THRB: variants seen among roughly 807,000 people sequenced by gnomAD.
THRB encodes the protein nuclear receptor subfamily 1 group A member 2.
A neutral mutation model predicts 47.8 loss-of-function variants in THRB; 12 were observed. The ratio of observed to expected loss-of-function variants is 0.25; its 90% CI spans 0.16 to 0.41. THRB has a LOEUF of 0.41. Among genes scored for constraint, THRB ranks in the 10% least tolerant of loss-of-function variants. THRB has a pLI of 1.00. For missense variants in THRB, 348 were observed against 589.2 expected, an observed-to-expected ratio of 0.59 and a Z score of 4.24; for synonymous variants, 218 against 212.2, an observed-to-expected ratio of 1.03 and a Z score of -0.24.
chr3:24,129,958 G>C (rs1559407301), intron 9 of THRB, among the ~76,000 whole-genome samples: 1 of 152,206 alleles, frequency 6.6e-6, no homozygotes, highest in African/African-American at 2.4e-5. Context: ...TAGCAGATGT[G>C]ATAAACTGCC....
intron 4 of THRB, among the ~76,000 whole-genome samples, chr3:24,206,146 C>G (rs1048962831): frequency 3.9e-4 from 60 of 152,246 alleles, no homozygotes; most frequent in African/African-American, 1.3e-3. Context: ...CTGCACCAAG[C>G]GGACCTAATA....
At chr3:24,488,920 A>T (rs1472727995) in intron 1 of THRB, among the ~76,000 whole-genome samples, 4 of 152,190 alleles carry the variant, frequency 2.6e-5, no homozygotes, top group African/African-American at 9.7e-5. Context: ...ATTGCTTCTT[A>T]GAATAATTTT....
chr3:24,430,503 GACA>G (rs1364329002), intron 1 of THRB, among the ~76,000 whole-genome samples: 9 of 151,968 alleles, frequency 5.9e-5, no homozygotes, highest in African/African-American at 2.2e-4. Context: ...TAAACGTAAA[GACA>G]ACATTTTTAA....
intron 2 of THRB, among the ~76,000 whole-genome samples, chr3:24,303,380 G>A (rs948389592): frequency 3.3e-5 from 5 of 152,116 alleles, no homozygotes; most frequent in South Asian, 2.1e-4. Context: ...CTTCTCGGCC[G>A]CTACCTGGGC....
chr3:24,482,253 G>C (rs1470394845), intron 1 of THRB, among the ~76,000 whole-genome samples: 5 of 152,114 alleles, frequency 3.3e-5, no homozygotes. Flanking sequence ...CACTCACCAG[G>C]TACTATGTCC....
Position 24,284,469 on chromosome 3 carries a change from A to G in THRB, c.-43+12757T>C, listed in dbSNP as rs568521185. 4.6e-5 allele frequency among the ~76,000 whole-genome samples: 7 copies of G among 151,950 alleles called. No individual in the cohort carries two copies. In the East Asian group the frequency reaches 9.6e-4, roughly 21 times the overall value. ...AGATTTAAACGTTAGACCTAAAACCATAAAAACCCTAGAAGAAAACCTAGG... is the reference window on the plus strand; with the variant it reads ...AGATTTAAACGTTAGACCTAAAACCGTAAAAACCCTAGAAGAAAACCTAGG... On this transcript the variant is annotated intron_variant, in intron 3 of 10. Coordinates refer to ENST00000646209, the MANE Select transcript of THRB (RefSeq NM_001354712.2).
chr3:24,276,131 G>C (rs532336323), intron 3 of THRB, among the ~76,000 whole-genome samples: 1 of 151,970 alleles, frequency 6.6e-6, no homozygotes, highest in South Asian at 2.1e-4. Flanking sequence ...TCAAGGACAA[G>C]TTTAAACATC....
intron 3 of THRB, among the ~76,000 whole-genome samples, chr3:24,242,004 G>C (rs1370943479): frequency 6.6e-6 from 1 of 152,058 alleles, no homozygotes; most frequent in African/African-American, 2.4e-5. Flanking sequence ...GTGCATAGTA[G>C]GAACTCAAAA....
At chr3:24,285,485 G>T (rs6787969) in intron 3 of THRB, among the ~76,000 whole-genome samples, 7,675 of 149,488 alleles carry the variant, frequency 0.051, 634 homozygotes, top group African/African-American at 0.18. Context: ...TAATGCTAGA[G>T]GACGAGTTAG....
At chr3:24,265,232 T>C (rs1259188106) in intron 3 of THRB, among the ~76,000 whole-genome samples, 1 of 152,160 alleles carries the variant, frequency 6.6e-6, no homozygotes, top group Non-Finnish European at 1.5e-5. Flanking sequence ...CATTAGATCA[T>C]GCAAGTAATG....
intron 1 of THRB, among the ~76,000 whole-genome samples, chr3:24,415,745 G>A (rs2068681978): frequency 6.6e-6 from 1 of 151,784 alleles, no homozygotes; most frequent in Non-Finnish European, 1.5e-5. Flanking sequence ...TGGAACAATG[G>A]TAGTAGAATT....
At chr3:24,299,640 A>C (rs912403374) in intron 2 of THRB, among the ~76,000 whole-genome samples, 13 of 140,766 alleles carry the variant, frequency 9.2e-5, no homozygotes, top group Non-Finnish European at 1.9e-4. Flanking sequence ...GGTCATAAAA[A>C]CTTTCTTTTT....
intron 1 of THRB, among the ~76,000 whole-genome samples, chr3:24,492,615 C>G (rs1264538687): frequency 6.6e-6 from 1 of 152,146 alleles, no homozygotes; most frequent in Non-Finnish European, 1.5e-5. Context: ...TGCAAAAACC[C>G]CAGGAGAGGA....
intron 5 of THRB, among the ~76,000 whole-genome samples, chr3:24,178,780 G>A (rs571275525): frequency 5.1e-4 from 78 of 152,212 alleles, no homozygotes; most frequent in African/African-American, 1.8e-3. Context: ...GGGGAGGGTA[G>A]GTAGAACAGA....
chr3:24,135,687 C>T (rs1447745672), intron 8 of THRB, among the ~76,000 whole-genome samples: 2 of 151,818 alleles, frequency 1.3e-5, no homozygotes, highest in Admixed American at 6.6e-5. Context: ...TTCAGATATC[C>T]CTGCTCTTCT....
intron 4 of THRB, among the ~76,000 whole-genome samples, chr3:24,227,223 C>G (rs965964559): frequency 1.3e-5 from 2 of 152,218 alleles, no homozygotes; most frequent in African/African-American, 4.8e-5. Flanking sequence ...GAAAGGAATA[C>G]TGTCCCTCCA....
intron 1 of THRB, among the ~76,000 whole-genome samples, chr3:24,404,835 T>A (rs1398215408): frequency 4.6e-5 from 7 of 151,854 alleles, no homozygotes; most frequent in Non-Finnish European, 1.0e-4. Context: ...AATCCAGGGC[T>A]AGACAGATCT....
intron 2 of THRB, among the ~76,000 whole-genome samples, chr3:24,319,613 G>A (rs963619856): frequency 1.3e-5 from 2 of 152,204 alleles, no homozygotes; most frequent in African/African-American, 4.8e-5. Flanking sequence ...AGTGTTGCTG[G>A]AAATGTTTTG....
At chr3:24,352,021 T>C (rs1443689828) in intron 1 of THRB, among the ~76,000 whole-genome samples, 2 of 152,154 alleles carry the variant, frequency 1.3e-5, no homozygotes, top group Non-Finnish European at 2.9e-5. Flanking sequence ...GGTGTGAGCA[T>C]CTATGTGTAT....
Sources: allele counts gnomAD v4.1 joint callset (sites outside exome capture counted in the v4.1 genomes callset), GRCh38; gene constraint gnomAD v4.1.1; transcripts MANE v1.5; gene names NCBI Gene and HGNC (gene_info 2026-07-23, HGNC 2026-07-21).